Variants in CA10 observed in about 807,000 individuals in gnomAD.
CA10 encodes carbonic anhydrase-related protein 10.
A neutral mutation model predicts 44.2 loss-of-function variants in CA10; 14 were observed. That is an observed-to-expected ratio of 0.32 (90% CI 0.21 to 0.50). The LOEUF (loss-of-function observed/expected upper bound fraction) is 0.50. CA10 is among the 20% of genes least tolerant of loss of function. The pLI is 0.99. For missense variants in CA10, 350 were observed against 409.7 expected, an observed-to-expected ratio of 0.85 and a Z score of 1.26; for synonymous variants, 159 against 141.6, an observed-to-expected ratio of 1.12 and a Z score of -0.87.
At chr17:51,945,871 A>G (rs1196107328) in intron 2 of CA10, among the ~76,000 whole-genome samples, 1 of 152,074 alleles carries the variant, frequency 6.6e-6, no homozygotes, top group Non-Finnish European at 1.5e-5. Flanking sequence ...GGTACTTACG[A>G]TCAGATATAA....
At position 51,841,157 on chromosome 17, in the gene CA10, C is replaced by T. The variant is rs76293821; in HGVS notation, c.279+89833G>A. 4.0e-3 allele frequency among the ~76,000 whole-genome samples: 615 copies of T among 152,278 alleles called. 1 individual carries two copies. Among genetic ancestry groups the T allele is most frequent in the African/African-American group, 0.014 (587 of 41,546 alleles). ...CTAGCTCTTTTGGTTCCTTCCATTC[C>T]CTTTCCTACAGCAGTATGTCCAGAC... is the stretch of plus-strand genomic sequence containing the variant. On this transcript the variant is annotated intron_variant, in intron 3 of 8. Transcript: ENST00000451037.
chr17:52,089,819 C>T (rs1988212863), intron 1 of CA10, among the ~76,000 whole-genome samples: 1 of 152,006 alleles, frequency 6.6e-6, no homozygotes, highest in South Asian at 2.1e-4. Flanking sequence ...ACCATGGATA[C>T]ATATTAACTT....
intron 4 of CA10, among the ~76,000 whole-genome samples, chr17:51,658,870 C>T (rs1913897957): frequency 6.6e-6 from 1 of 152,172 alleles, no homozygotes; most frequent in Non-Finnish European, 1.5e-5. Context: ...TTTGAGTTCA[C>T]ATTCAAGCAC....
chr17:52,140,726 G>T (rs570415353), intron 1 of CA10, among the ~76,000 whole-genome samples: 1 of 152,198 alleles, frequency 6.6e-6, no homozygotes, highest in South Asian at 2.1e-4. Flanking sequence ...AAGAGGACTG[G>T]GAGTCCAGCT....
chr17:51,958,593 A>T (rs1028510872), intron 2 of CA10, among the ~76,000 whole-genome samples: 1 of 152,202 alleles, frequency 6.6e-6, no homozygotes, highest in Non-Finnish European at 1.5e-5. Context: ...GCGGTTCATT[A>T]TATTTTTGAA....
chr17:51,680,344 G>C (rs556181627), intron 4 of CA10, among the ~76,000 whole-genome samples: 2 of 152,332 alleles, frequency 1.3e-5, no homozygotes, highest in African/African-American at 4.8e-5. Context: ...CCTTAAGCCA[G>C]GTTGCTGTCC....
At chr17:52,005,844 C>A (rs970985342) in intron 2 of CA10, among the ~76,000 whole-genome samples, 1 of 151,862 alleles carries the variant, frequency 6.6e-6, no homozygotes, top group South Asian at 2.1e-4. Flanking sequence ...GGCCATAAAC[C>A]AGATTTGCTT....
At chr17:52,039,755 T>C (rs991227708) in intron 2 of CA10, among the ~76,000 whole-genome samples, 1 of 152,106 alleles carries the variant, frequency 6.6e-6, no homozygotes, top group Non-Finnish European at 1.5e-5. Flanking sequence ...CACATTAGAG[T>C]TTGTCCAAAG....
In CA10 at chr17:51,853,797, T is replaced by C. The variant is rs550741951; in HGVS notation, c.279+77193A>G. Among the ~76,000 whole-genome samples the C allele has an allele frequency of 5.3e-5, 8 of 152,270 alleles. No individual in the cohort carries two copies. In the East Asian group the frequency reaches 1.2e-3, roughly 22 times the overall value. ...TGAGATCTGATGGTTTTATAAGTGT[T>C]TGACTGTTCCTCCTTCACATGCTTG... On this transcript the variant is annotated intron_variant, in intron 3 of 8. Transcript: ENST00000451037.
At chr17:51,804,321 C>G (rs1449667445) in intron 3 of CA10, among the ~76,000 whole-genome samples, 1 of 152,220 alleles carries the variant, frequency 6.6e-6, no homozygotes, top group Non-Finnish European at 1.5e-5. Flanking sequence ...TGACCTATCA[C>G]TGTCCGCATT....
intron 3 of CA10, among the ~76,000 whole-genome samples, chr17:51,849,183 GTATATATATATATACATA>G (rs1978645751): frequency 6.5e-5 from 5 of 76,548 alleles, no homozygotes; most frequent in Admixed American, 5.0e-4. Flanking sequence ...ATACATATAT[GTATATATATATATACATA>G]TATGTATATA....
intron 4 of CA10, among the ~76,000 whole-genome samples, chr17:51,689,162 C>A (rs1915105621): frequency 6.6e-6 from 1 of 152,116 alleles, no homozygotes; most frequent in Non-Finnish European, 1.5e-5. Flanking sequence ...CCCTAGTACC[C>A]ACTAGAGTTT....
At chr17:51,663,607 T>A (rs1226651620) in intron 4 of CA10, among the ~76,000 whole-genome samples, 1 of 152,168 alleles carries the variant, frequency 6.6e-6, no homozygotes, top group African/African-American at 2.4e-5. Flanking sequence ...TCGTGCTGAT[T>A]AAATGAACCA....
At chr17:52,020,999 G>A (rs9893379) in intron 2 of CA10, among the ~76,000 whole-genome samples, 11 of 151,618 alleles carry the variant, frequency 7.3e-5, no homozygotes, top group Non-Finnish European at 1.3e-4. Context: ...TTTTTTATTG[G>A]TGTAGAGTTT....
chr17:51,950,912 T>G (rs764169893), intron 2 of CA10, among the ~76,000 whole-genome samples: 1 of 152,144 alleles, frequency 6.6e-6, no homozygotes, highest in Non-Finnish European at 1.5e-5. Flanking sequence ...GCTCCTAGGA[T>G]AGTGCACAGC....
chr17:51,881,073 T>C (rs184119331), intron 3 of CA10, among the ~76,000 whole-genome samples: 7 of 151,408 alleles, frequency 4.6e-5, no homozygotes, highest in Admixed American at 4.6e-4. Context: ...CTGTCTCTAC[T>C]AAAAATTAAA....
intron 4 of CA10, among the ~76,000 whole-genome samples, chr17:51,715,120 A>G (rs563822947): frequency 6.6e-6 from 1 of 152,172 alleles, no homozygotes; most frequent in Non-Finnish European, 1.5e-5. Context: ...GCAAGGACAA[A>G]AAACCAAACA....
chr17:52,099,899 A>G (rs910841217), intron 1 of CA10, among the ~76,000 whole-genome samples: 5 of 152,234 alleles, frequency 3.3e-5, no homozygotes, highest in African/African-American at 1.2e-4. Flanking sequence ...GTAGACAAGA[A>G]CAAGGGAAAA....
At chr17:52,141,908 G>C (rs534337476) in intron 1 of CA10, among the ~76,000 whole-genome samples, 1 of 152,160 alleles carries the variant, frequency 6.6e-6, no homozygotes, top group Non-Finnish European at 1.5e-5. Context: ...TCCTGGCCAT[G>C]GTGAATTTTC....
Sources: allele counts gnomAD v4.1 joint callset (sites outside exome capture counted in the v4.1 genomes callset), GRCh38; gene constraint gnomAD v4.1.1; transcripts MANE v1.5; gene names NCBI Gene and HGNC (gene_info 2026-07-23, HGNC 2026-07-21).